The following ARMC9 variants were observed in gnomAD, a reference collection of about 807,000 sequenced individuals.
The protein encoded by ARMC9 is armadillo repeat containing 9.
A neutral mutation model predicts 107.0 loss-of-function variants in ARMC9; 94 were observed. The ratio of observed to expected loss-of-function variants is 0.88; its 90% CI spans 0.74 to 1.04. The LOEUF (loss-of-function observed/expected upper bound fraction) is 1.04, where lower values mean the gene tolerates loss of function less well. Among genes scored for constraint, ARMC9 ranks in the 50% least tolerant of loss-of-function variants. ARMC9 has a pLI of 0.00. For synonymous variants in ARMC9, 380 were observed against 396.9 expected, an observed-to-expected ratio of 0.96 and a Z score of 0.51; for missense variants, 942 against 1,030.1, an observed-to-expected ratio of 0.91 and a Z score of 1.17.
intron 12 of ARMC9, among the ~76,000 whole-genome samples, chr2:231,269,075 A>T (rs965078491): frequency 1.3e-5 from 2 of 152,140 alleles, no homozygotes; most frequent in African/African-American, 2.4e-5. Flanking sequence ...AAAAAATTTA[A>T]AAAAAGAAAT....
At chr2:231,222,890 CT>C in intron 6 of ARMC9, 70 bp downstream of exon 6, 1 of 1,036,006 alleles carries the variant, frequency 9.7e-7, no homozygotes, top group Non-Finnish European at 1.4e-6. Flanking sequence ...TGCACGCTGG[CT>C]TAGGTTTATT....
At chr2:231,326,416 C>A (rs2043320832) in intron 19 of ARMC9, among the ~76,000 whole-genome samples, 1 of 152,228 alleles carries the variant, frequency 6.6e-6, no homozygotes, top group East Asian at 1.9e-4. Context: ...GCAGCATCTC[C>A]TCAGTAGCCC....
At chr2:231,335,710 G>C (rs1180550748) in intron 20 of ARMC9, among the ~76,000 whole-genome samples, 1 of 152,168 alleles carries the variant, frequency 6.6e-6, no homozygotes, top group Admixed American at 6.5e-5. Context: ...CAAGACTGCT[G>C]ACTTTCCTCC....
chr2:231,260,951 G>A (rs1473922429), intron 11 of ARMC9, among the ~76,000 whole-genome samples: 6 of 152,088 alleles, frequency 3.9e-5, no homozygotes, highest in Non-Finnish European at 5.9e-5. Context: ...TGAACTCAAC[G>A]GAAGGGTAGC....
At position 231,205,352 on chromosome 2, in the gene ARMC9, G is replaced by A. The variant is rs1487082495; in HGVS notation, c.-41-846G>A. 1.3e-5 allele frequency among the ~76,000 whole-genome samples: 2 copies of A among 152,058 alleles called. 1 individual carries two copies. The highest frequency in any genetic ancestry group is 2.9e-5 in the Non-Finnish European group (2 of 68,014). On this transcript the variant is annotated intron_variant, in intron 1 of 24. Coordinates refer to ENST00000611582, the MANE Select transcript of ARMC9 (RefSeq NM_001352754.2). ...ACCATTGCACTCCATCCTGGGCAACGGAGTGAGATCCCATCTCAAAAAAAA... is the reference window on the plus strand; with the variant it reads ...ACCATTGCACTCCATCCTGGGCAACAGAGTGAGATCCCATCTCAAAAAAAA...
chr2:231,206,625 C>T (rs1340933290), intron 2 of ARMC9, among the ~76,000 whole-genome samples: 1 of 152,150 alleles, frequency 6.6e-6, no homozygotes, highest in Non-Finnish European at 1.5e-5. Flanking sequence ...GTTTGTTTTA[C>T]AGAATGGGAT....
At chr2:231,303,611 C>G (rs892683445) in intron 19 of ARMC9, among the ~76,000 whole-genome samples, 3 of 151,978 alleles carry the variant, frequency 2.0e-5, no homozygotes, top group Non-Finnish European at 4.4e-5. Context: ...TGATTTTTTC[C>G]CTTTCATACT....
intron 19 of ARMC9, among the ~76,000 whole-genome samples, chr2:231,310,243 C>T (rs560364820): frequency 3.9e-4 from 58 of 149,920 alleles, no homozygotes; most frequent in African/African-American, 1.3e-3. Flanking sequence ...GGAGAAACCC[C>T]GTCTCAACTA....
chr2:231,335,798 C>T lies in ARMC9; in HGVS notation c.1878+3901C>T, dbSNP rs996301924. Among the ~76,000 whole-genome samples the T allele has an allele frequency of 2.6e-5, 4 of 152,096 alleles. No individual in the cohort carries two copies. In the East Asian group the frequency reaches 5.8e-4, roughly 22 times the overall value. ...CTGAGTAATCAACAATGCCTCTGGC[C>T]GGGTGCGGTGGCTGACGCGTGTGAT... On this transcript the variant is annotated intron_variant, in intron 20 of 24. Coordinates refer to ENST00000611582, the MANE Select transcript of ARMC9 (RefSeq NM_001352754.2).
chr2:231,272,918 CTG>C, intron 13 of ARMC9, 35 bp from the exon 14 acceptor site: 1 of 1,601,140 alleles, frequency 6.2e-7, no homozygotes, highest in African/African-American at 1.3e-5. Flanking sequence ...TAAATTATTT[CTG>C]TCTTTCACCT....
intron 19 of ARMC9, among the ~76,000 whole-genome samples, chr2:231,309,818 T>A (rs988085011): frequency 1.3e-5 from 2 of 151,968 alleles, no homozygotes; most frequent in African/African-American, 4.8e-5. Flanking sequence ...AGTGGGAAAA[T>A]CCAACTAATT....
intron 23 of ARMC9, among the ~76,000 whole-genome samples, chr2:231,365,741 G>T (rs1464630661): frequency 6.6e-6 from 1 of 152,138 alleles, no homozygotes; most frequent in African/African-American, 2.4e-5. Flanking sequence ...CCATGCCATG[G>T]GCACACACTT....
intron 3 of ARMC9, among the ~76,000 whole-genome samples, chr2:231,213,135 T>C (rs907325164): frequency 2.0e-5 from 3 of 151,916 alleles, no homozygotes; most frequent in Admixed American, 6.6e-5. Context: ...ATGACAATTA[T>C]GCAGGAAAAT....
chr2:231,318,577 C>T (rs1282289283), intron 19 of ARMC9, among the ~76,000 whole-genome samples: 1 of 152,148 alleles, frequency 6.6e-6, no homozygotes, highest in Non-Finnish European at 1.5e-5. Flanking sequence ...ACCACGTTCA[C>T]ACCTCCAGGC....
intron 19 of ARMC9, among the ~76,000 whole-genome samples, chr2:231,328,509 G>C (rs1437175986): frequency 6.6e-6 from 1 of 152,116 alleles, no homozygotes; most frequent in Non-Finnish European, 1.5e-5. Flanking sequence ...TTTTATGTAA[G>C]ATACGAGAAT....
At chr2:231,200,619 A>T (rs907396162) in intron 1 of ARMC9, among the ~76,000 whole-genome samples, 4 of 152,204 alleles carry the variant, frequency 2.6e-5, no homozygotes, top group Non-Finnish European at 5.9e-5. Context: ...GGTTGCAGTG[A>T]GCCAGATTGC....
Position 231,256,591 on chromosome 2 carries a change from C to T in ARMC9, c.885C>T (p.Ser295=). Residue 295 remains serine (S), a synonymous_variant, in exon 10 of 25, where the codon TCC becomes TCT. Coordinates refer to ENST00000611582, the MANE Select transcript of ARMC9 (RefSeq NM_001352754.2). ...TTCTGTCCTCTTCCCCCCAGGCATC[C>T]ACCATGTTACGAGCCTCCTTGGCAC... ...SVDFTRPGTA[S]TMLRASLAPV... is the part of the protein sequence containing the mutation. The T allele has an allele frequency of 1.2e-6, 2 of 1,614,068 alleles. No individual in the cohort carries two copies. The highest frequency in any genetic ancestry group is 1.7e-6 in the Non-Finnish European group (2 of 1,179,976).
intron 11 of ARMC9, among the ~76,000 whole-genome samples, chr2:231,259,882 G>T (rs1209048353): frequency 6.6e-6 from 1 of 152,122 alleles, no homozygotes; most frequent in Non-Finnish European, 1.5e-5. Flanking sequence ...TGTAGTCCCA[G>T]CTACTCAGGA....
At position 231,235,362 on chromosome 2, in the gene ARMC9, C is replaced by A. The variant is rs759497137; in HGVS notation, c.761C>A (p.Ala254Asp). ...GCAGAGCTGGTGGATTCTCTAGAGGCCACAGTCAGCGGCAAGATGGTAAGG... is the reference window on the plus strand; with the variant it reads ...GCAGAGCTGGTGGATTCTCTAGAGGACACAGTCAGCGGCAAGATGGTAAGG... ...VTAELVDSLE[A>D]TVSGKMITPE... The change falls in exon 8 of 25, where the codon GCC (alanine) becomes GAC (aspartate). Residue 254 changes from alanine (A) to aspartate (D), a missense_variant. Transcript: ENST00000611582. 8 of 1,614,040 alleles carry A rather than the reference C, an allele frequency of 5.0e-6. No individual in the cohort carries two copies. Among genetic ancestry groups the A allele is most frequent in the Non-Finnish European group, 6.8e-6 (8 of 1,179,992 alleles).
Sources: gnomAD v4.1 joint callset for allele counts (sites outside exome capture counted in the v4.1 genomes callset) on GRCh38, gnomAD v4.1.1 for gene constraint, MANE v1.5 for transcripts, NCBI Gene and HGNC (gene_info 2026-07-23, HGNC 2026-07-21) for gene names.